DIP2B: variants seen among roughly 807,000 people sequenced by gnomAD.
DIP2B encodes the protein DIP2 acetate--CoA ligase B (putative).
A neutral mutation model predicts 198.0 loss-of-function variants in DIP2B; 76 were observed. The observed-to-expected ratio is 0.38, with a 90% confidence interval of 0.32 to 0.46. The LOEUF is 0.46. Among genes scored for constraint, DIP2B ranks in the 20% least tolerant of loss-of-function variants. The probability of loss-of-function intolerance (pLI) is 0.99; values close to 1 mark genes in which losing one functional copy is unlikely to be tolerated. For missense variants in DIP2B, 1,559 were observed against 1,978.4 expected (o/e 0.79, Z 4.02); for synonymous variants, 701 against 739.1 (o/e 0.95, Z 0.84).
chr12:50,700,031 GTCCTT>G (rs1314977893), intron 19 of DIP2B, among the ~76,000 whole-genome samples: 1 of 152,192 alleles, frequency 6.6e-6, no homozygotes, highest in Non-Finnish European at 1.5e-5. Flanking sequence ...AATGAAGACT[GTCCTT>G]TCACAGGAGT....
intron 10 of DIP2B, among the ~76,000 whole-genome samples, chr12:50,683,929 T>C (rs561465568): frequency 4.1e-4 from 63 of 152,024 alleles, no homozygotes; most frequent in East Asian, 1.2e-3. Flanking sequence ...CTAGGCAACA[T>C]AGGGAGACCC....
chr12:50,748,259 C>A lies in DIP2B; in HGVS notation c.*3420C>A, dbSNP rs896291901. On this transcript the variant is annotated 3_prime_UTR_variant, in exon 38 of 38. Coordinates refer to ENST00000301180, the MANE Select transcript of DIP2B (RefSeq NM_173602.3). ...TCCTCAAACTCCAACAAGATCTATGCCTTAGTGTTGTTTTTGTTGTCTGCT... is the reference window on the plus strand; with the variant it reads ...TCCTCAAACTCCAACAAGATCTATGACTTAGTGTTGTTTTTGTTGTCTGCT... The A allele has an allele frequency of 6.6e-6, 1 of 152,658 alleles. No homozygotes were observed. The highest frequency in any genetic ancestry group is 2.1e-4 in the South Asian group (1 of 4,820). 9.5% of individuals were successfully genotyped at this position (152,658 alleles called of 1,614,324 possible). A position where few individuals can be genotyped will look rare whatever the true frequency, so the allele number is the denominator to read the frequency against.
At chr12:50,609,006 C>G (rs528562385) in intron 1 of DIP2B, among the ~76,000 whole-genome samples, 1 of 151,992 alleles carries the variant, frequency 6.6e-6, no homozygotes, top group Admixed American at 6.6e-5. Context: ...GCCAGGTGTG[C>G]TGATGGGTGC....
intron 1 of DIP2B, among the ~76,000 whole-genome samples, chr12:50,536,550 A>G (rs951808399): frequency 1.3e-5 from 2 of 150,396 alleles, no homozygotes; most frequent in East Asian, 3.9e-4. Flanking sequence ...TTAAAATTTT[A>G]TTGACAAATA....
intron 5 of DIP2B, among the ~76,000 whole-genome samples, chr12:50,673,543 T>G (rs867407770): frequency 3.3e-5 from 5 of 152,282 alleles, no homozygotes; most frequent in Middle Eastern, 3.4e-3. Context: ...TCCCAGCACT[T>G]TGGGAGGCAT....
rs142073906 is a variant in DIP2B at position 50,640,773 on chromosome 12, A to G, written c.222A>G (p.Pro74=). The G allele has an allele frequency of 4.3e-5, 69 of 1,613,922 alleles. No individual in the cohort carries two copies. The highest frequency in any genetic ancestry group is 5.5e-5 in the Non-Finnish European group (65 of 1,179,930). ...AACTTAGAAACCAGACACCTGCTCC[A>G]TCTGCAGCTCAAACTTCTGCTCCCT... ...QKELRNQTPA[P]SAAQTSAPSK... The change falls in exon 3 of 38, where the codon CCA becomes CCG. Residue 74 remains proline (P), a synonymous_variant. Coordinates refer to ENST00000301180, the MANE Select transcript of DIP2B (RefSeq NM_173602.3).
intron 1 of DIP2B, among the ~76,000 whole-genome samples, chr12:50,529,023 AAAAAC>A (rs1005839448): frequency 1.3e-5 from 2 of 152,228 alleles, no homozygotes; most frequent in Non-Finnish European, 2.9e-5. Context: ...GGTAAGTTTC[AAAAAC>A]AAAACAAAAC....
In DIP2B at chr12:50,572,526, G is replaced by C. The variant is rs371662063; in HGVS notation, c.101-53450G>C. ...ATTTACTGAATGCCTTTGGCAAAAG[G>C]CTCCTGCTAGATGCTTTGAGGGATA... On this transcript the variant is annotated intron_variant, in intron 1 of 37. Transcript: ENST00000301180. Among the ~76,000 whole-genome samples, 4 of 152,266 alleles carry C rather than the reference G, an allele frequency of 2.6e-5. 1 individual carries two copies. The East Asian group carries it at 7.7e-4, about 29-fold the overall frequency.
chr12:50,559,449 A>C (rs1958499411), intron 1 of DIP2B, among the ~76,000 whole-genome samples: 1 of 151,948 alleles, frequency 6.6e-6, no homozygotes, highest in Non-Finnish European at 1.5e-5. Context: ...CCTTAAAAAA[A>C]ATATTATTAG....
intron 22 of DIP2B, among the ~76,000 whole-genome samples, chr12:50,712,227 T>C (rs1423394169): frequency 6.6e-6 from 1 of 152,116 alleles, no homozygotes; most frequent in Non-Finnish European, 1.5e-5. Flanking sequence ...TAACTGTGGG[T>C]TCATTCTACT....
At position 50,724,806 on chromosome 12, in the gene DIP2B, A is replaced by C; in HGVS notation, c.3320A>C (p.Gln1107Pro). The change falls in exon 28 of 38, where the codon CAG becomes CCG. Residue 1107 changes from glutamine (Q) to proline (P), a missense_variant. By Grantham distance (76) the Gln-to-Pro change is moderately conservative. Transcript: ENST00000301180. The part of the protein sequence containing the change: ...VSKAACILTS[Q>P]TLMRLLRSRE... ...AAAGCAGCCTGTATTCTCACCAGTC[A>C]GACCCTAATGAGGCTACTGAGGTCC... 1 of 1,614,190 alleles carries C rather than the reference A, an allele frequency of 6.2e-7. No individual in the cohort carries two copies. The highest frequency in any genetic ancestry group is 8.5e-7 in the Non-Finnish European group (1 of 1,180,022).
intron 10 of DIP2B, among the ~76,000 whole-genome samples, chr12:50,683,780 C>T (rs1188142852): frequency 6.6e-6 from 1 of 151,194 alleles, no homozygotes; most frequent in Non-Finnish European, 1.5e-5. Flanking sequence ...AAGACTCCGT[C>T]TAAAAATAAA....
At chr12:50,602,333 A>C (rs1302221867) in intron 1 of DIP2B, among the ~76,000 whole-genome samples, 1 of 152,068 alleles carries the variant, frequency 6.6e-6, no homozygotes, top group African/African-American at 2.4e-5. Context: ...CAGTGGTGTG[A>C]TCTTGGCTCA....
At chr12:50,594,097 T>G (rs2139434032) in intron 1 of DIP2B, among the ~76,000 whole-genome samples, 1 of 150,162 alleles carries the variant, frequency 6.7e-6, no homozygotes, top group South Asian at 2.2e-4. Context: ...TTTGCCACCA[T>G]GCTCTGCTAA....
At chr12:50,568,652 C>T (rs1279303447) in intron 1 of DIP2B, among the ~76,000 whole-genome samples, 1 of 152,116 alleles carries the variant, frequency 6.6e-6, no homozygotes, top group East Asian at 1.9e-4. Flanking sequence ...TTTTGACTTA[C>T]CTCTTCTATT....
intron 1 of DIP2B, among the ~76,000 whole-genome samples, chr12:50,606,655 AT>A (rs1389996807): frequency 6.6e-6 from 1 of 151,840 alleles, no homozygotes; most frequent in South Asian, 2.1e-4. Context: ...TTGATTTGTA[AT>A]TTTTTTCTGA....
At chr12:50,671,856 C>T (rs1375814046) in intron 5 of DIP2B, among the ~76,000 whole-genome samples, 1 of 152,200 alleles carries the variant, frequency 6.6e-6, no homozygotes, top group African/African-American at 2.4e-5. Context: ...ATTTGTTGTC[C>T]TTGCTGCTGT....
chr12:50,681,420 T>TGAGA (rs1939038241), intron 9 of DIP2B, among the ~76,000 whole-genome samples: 1 of 151,658 alleles, frequency 6.6e-6, no homozygotes, highest in African/African-American at 2.4e-5. Context: ...GGCAACAGAG[T>TGAGA]GAGACCCTAA....
At chr12:50,571,547 CG>C (rs1958613938) in intron 1 of DIP2B, among the ~76,000 whole-genome samples, 3 of 101,418 alleles carry the variant, frequency 3.0e-5, no homozygotes, top group African/African-American at 1.2e-4. Flanking sequence ...GAAACCTAGG[CG>C]TTTTTTTTTT....
Sources: gnomAD v4.1 joint callset for allele counts (sites outside exome capture counted in the v4.1 genomes callset) on GRCh38, gnomAD v4.1.1 for gene constraint, MANE v1.5 for transcripts, NCBI Gene and HGNC (gene_info 2026-07-23, HGNC 2026-07-21) for gene names.